CSGALNACT1: variants seen among roughly 807,000 people sequenced by gnomAD.
CSGALNACT1 encodes chondroitin sulfate N-acetylgalactosaminyltransferase 1.
A neutral mutation model predicts 51.0 loss-of-function variants in CSGALNACT1; 52 were observed. The observed-to-expected ratio is 1.02, with a 90% CI of 0.82 to 1.29. CSGALNACT1 has a LOEUF of 1.29. Among genes scored for constraint, CSGALNACT1 ranks in the 50% most tolerant of loss-of-function variants. The pLI is 0.00. For missense variants in CSGALNACT1, 935 were observed against 679.2 expected, an observed-to-expected ratio of 1.38 and a Z score of -4.19; for synonymous variants, 341 against 254.4, an observed-to-expected ratio of 1.34 and a Z score of -3.24.
intron 6 of CSGALNACT1, among the ~76,000 whole-genome samples, chr8:19,433,371 T>C (rs566571933): frequency 5.8e-4 from 89 of 152,336 alleles, no homozygotes; most frequent in African/African-American, 2.1e-3. Context: ...AGTAGGAGCA[T>C]AGCCCTAGAG....
chr8:19,671,150 A>C (rs2059767840), intron 1 of CSGALNACT1, among the ~76,000 whole-genome samples: 1 of 152,148 alleles, frequency 6.6e-6, no homozygotes, highest in African/African-American at 2.4e-5. Context: ...AGGGTGTTGG[A>C]AAGAGCCAGG....
intron 3 of CSGALNACT1, among the ~76,000 whole-genome samples, chr8:19,540,386 C>A (rs191272459): frequency 6.6e-6 from 1 of 152,328 alleles, no homozygotes; most frequent in African/African-American, 2.4e-5. Context: ...TACACCCCTC[C>A]TCTTGCTCCC....
chr8:19,755,407 T>A (rs996804212), intron 1 of CSGALNACT1, among the ~76,000 whole-genome samples: 1 of 136,874 alleles, frequency 7.3e-6, no homozygotes, highest in East Asian at 2.3e-4. Flanking sequence ...CAATTTTTTT[T>A]AAATGTTGAA....
At chr8:19,483,087 A>C (rs1430716855) in intron 4 of CSGALNACT1, among the ~76,000 whole-genome samples, 1 of 152,206 alleles carries the variant, frequency 6.6e-6, no homozygotes, top group Non-Finnish European at 1.5e-5. Context: ...CTGATCCCTC[A>C]GGGTCTCTGG....
At chr8:19,555,482 G>A (rs528327967) in intron 3 of CSGALNACT1, among the ~76,000 whole-genome samples, 2 of 152,142 alleles carry the variant, frequency 1.3e-5, no homozygotes, top group Non-Finnish European at 2.9e-5. Context: ...GAGATTTCAC[G>A]TGCTTCCCAT....
chr8:19,448,629 G>A (rs893830519), intron 5 of CSGALNACT1, among the ~76,000 whole-genome samples: 47 of 152,266 alleles, frequency 3.1e-4, no homozygotes, highest in African/African-American at 1.0e-3. Context: ...CTGAGGAGGA[G>A]GGGGATCCAG....
At chr8:19,511,518 A>G (rs1453829269) in intron 3 of CSGALNACT1, among the ~76,000 whole-genome samples, 2 of 152,230 alleles carry the variant, frequency 1.3e-5, no homozygotes, top group South Asian at 2.1e-4. Context: ...AAATGGATAT[A>G]AAGTCAGCAC....
chr8:19,413,543 T>A (rs1054828108), intron 8 of CSGALNACT1, among the ~76,000 whole-genome samples: 2 of 152,190 alleles, frequency 1.3e-5, no homozygotes, highest in African/African-American at 2.4e-5. Flanking sequence ...CCTGAATAAA[T>A]AGAAACAGAA....
chr8:19,447,421 A>G (rs1332587738), intron 5 of CSGALNACT1, among the ~76,000 whole-genome samples: 1 of 152,216 alleles, frequency 6.6e-6, no homozygotes, highest in Non-Finnish European at 1.5e-5. Context: ...ATGGGCAGAT[A>G]TGATGGACTG....
intron 3 of CSGALNACT1, among the ~76,000 whole-genome samples, chr8:19,574,984 G>T (rs2043853545): frequency 6.6e-6 from 1 of 151,486 alleles, no homozygotes. Flanking sequence ...GCAGTGAGGT[G>T]AGATAGCGCC....
chr8:19,616,716 G>A (rs2053073303), intron 1 of CSGALNACT1, among the ~76,000 whole-genome samples: 1 of 152,116 alleles, frequency 6.6e-6, no homozygotes, highest in South Asian at 2.1e-4. Context: ...CTCTCACCAT[G>A]TGATGTATCT....
intron 3 of CSGALNACT1, among the ~76,000 whole-genome samples, chr8:19,540,443 A>G (rs2084836170): frequency 6.6e-6 from 1 of 152,186 alleles, no homozygotes; most frequent in Admixed American, 6.5e-5. Context: ...AAAGTGACTA[A>G]AATTTGAGTT....
intron 9 of CSGALNACT1, 145 bp downstream of exon 8, chr8:19,408,468 C>CATTTTT (rs1371843028): frequency 2.2e-6 from 1 of 454,232 alleles, no homozygotes. Flanking sequence ...TCTGGAATAG[C>CATTTTT]TTTTTTTTTT....
chr8:19,449,283 G>C (rs2062669933), intron 5 of CSGALNACT1, among the ~76,000 whole-genome samples: 1 of 152,144 alleles, frequency 6.6e-6, no homozygotes, highest in African/African-American at 2.4e-5. Flanking sequence ...GAATGATATA[G>C]ATTAGCATCT....
Position 19,457,210 on chromosome 8 carries a change from G to A in CSGALNACT1, c.851+1216C>T, listed in dbSNP as rs555295261. On this transcript the variant is annotated intron_variant, in intron 5 of 9. Coordinates refer to ENST00000454498, the Ensembl canonical transcript of CSGALNACT1. ...CTTCAAAAAACTTAGTTATAAGTGG[G>A]TTATCCTTTAAATTCAAACAGAGTA... Among the ~76,000 whole-genome samples, 48 of 152,294 alleles carry A rather than the reference G, an allele frequency of 3.2e-4. 1 individual carries two copies. The highest frequency in any genetic ancestry group is 1.1e-3 in the African/African-American group (46 of 41,564).
At chr8:19,470,815 G>A (rs1039410433) in intron 4 of CSGALNACT1, among the ~76,000 whole-genome samples, 12 of 152,286 alleles carry the variant, frequency 7.9e-5, no homozygotes, top group African/African-American at 2.2e-4. Context: ...ACAAAAATGC[G>A]CTGGACGTGG....
At chr8:19,646,471 T>G (rs1006002422) in intron 1 of CSGALNACT1, among the ~76,000 whole-genome samples, 5 of 152,200 alleles carry the variant, frequency 3.3e-5, no homozygotes, top group Non-Finnish European at 7.4e-5. Flanking sequence ...GGATCATAAT[T>G]ACATTAAGGG....
chr8:19,674,898 G>T (rs1219237804), intron 1 of CSGALNACT1, among the ~76,000 whole-genome samples: 1 of 152,192 alleles, frequency 6.6e-6, no homozygotes, highest in Admixed American at 6.5e-5. Context: ...GGTCATGGAT[G>T]AATCCAGAGT....
chr8:19,740,008 T>G (rs1376959133), intron 1 of CSGALNACT1, among the ~76,000 whole-genome samples: 1 of 152,198 alleles, frequency 6.6e-6, no homozygotes. Context: ...TTCCAGGGGC[T>G]CCCTGCTGGG....
Sources: allele counts gnomAD v4.1 joint callset (sites outside exome capture counted in the v4.1 genomes callset), GRCh38; gene constraint gnomAD v4.1.1; transcripts MANE v1.5; gene names NCBI Gene and HGNC (gene_info 2026-07-23, HGNC 2026-07-21).